Variants in CYTH3 observed in about 807,000 individuals in gnomAD.
The protein encoded by CYTH3 is cytohesin 3.
CYTH3 carries 23 observed loss-of-function variants against 55.1 expected under a neutral mutation model. That is an observed-to-expected ratio of 0.42 (90% confidence interval 0.30 to 0.59). The LOEUF (loss-of-function observed/expected upper bound fraction) is 0.59. Among genes scored for constraint, CYTH3 ranks in the 20% least tolerant of loss-of-function variants. CYTH3 has a pLI of 0.20. For missense variants in CYTH3, 413 were observed against 524.8 expected (o/e 0.79, Z 2.08); for synonymous variants, 249 against 194.9 (o/e 1.28, Z -2.31).
At chr7:6,267,143 A>G (rs1780517891) in intron 1 of CYTH3, among the ~76,000 whole-genome samples, 1 of 152,164 alleles carries the variant, frequency 6.6e-6, no homozygotes, top group Non-Finnish European at 1.5e-5. Flanking sequence ...TTCCATTATG[A>G]GTAAAAAGCT....
At chr7:6,204,695 G>C (rs2128547620) in intron 1 of CYTH3, among the ~76,000 whole-genome samples, 1 of 152,320 alleles carries the variant, frequency 6.6e-6, no homozygotes, top group South Asian at 2.1e-4. Context: ...ATTTTGGAGA[G>C]CCAAGCCAGG....
chr7:6,182,426 G>A (rs1344732390), intron 4 of CYTH3, among the ~76,000 whole-genome samples: 1 of 152,148 alleles, frequency 6.6e-6, no homozygotes, highest in African/African-American at 2.4e-5. Context: ...ACAGCTCACC[G>A]CAGCCTCAAA....
At chr7:6,244,319 T>C (rs891775893) in intron 1 of CYTH3, among the ~76,000 whole-genome samples, 8 of 152,260 alleles carry the variant, frequency 5.3e-5, no homozygotes, top group Admixed American at 2.0e-4. Flanking sequence ...CAATTTTTAA[T>C]GAATTTATTT....
chr7:6,207,090 T>G (rs868003836), intron 1 of CYTH3, among the ~76,000 whole-genome samples: 1 of 133,460 alleles, frequency 7.5e-6, no homozygotes, highest in Non-Finnish European at 1.6e-5. Context: ...GTGCAACTTT[T>G]TTTTTTTTTT....
chr7:6,164,850 G>A lies in CYTH3; in HGVS notation c.*94C>T, dbSNP rs555089546. The A allele has an allele frequency of 3.4e-5, 47 of 1,389,526 alleles. No homozygotes were observed. The highest frequency in any genetic ancestry group is 8.3e-5 in the South Asian group (7 of 84,364). 86.1% of individuals were successfully genotyped at this position (1,389,526 alleles called of 1,614,324 possible). ...GGAGCAGCAGCTTGCACCGCAGGGC[G>A]ACTGCCTCCCTGCCACGCCTTCCGC... On this transcript the variant is annotated 3_prime_UTR_variant, in exon 13 of 13. Coordinates refer to ENST00000350796, the MANE Select transcript of CYTH3 (RefSeq NM_004227.4).
At chr7:6,201,813 T>C (rs1239072353) in intron 1 of CYTH3, among the ~76,000 whole-genome samples, 4 of 152,220 alleles carry the variant, frequency 2.6e-5, no homozygotes, top group East Asian at 1.9e-4. Flanking sequence ...TACTAAAATT[T>C]CTAGGGTAAG....
chr7:6,215,975 G>A (rs1026414707), intron 1 of CYTH3, among the ~76,000 whole-genome samples: 1 of 152,200 alleles, frequency 6.6e-6, no homozygotes. Context: ...AAGGGAAATT[G>A]AGACATTCTT....
rs529317869 is a variant in CYTH3 at position 6,162,164 on chromosome 7, T to C, written c.*2780A>G. On this transcript the variant is annotated 3_prime_UTR_variant, in exon 13 of 13. Transcript: ENST00000350796. ...ATCTATAAATAGCTCCTATTTTCAG[T>C]TTGGTACCACATTAAACTGCCCCAA... 6.5e-6 allele frequency: 1 copy of C among 152,698 alleles called. No individual in the cohort carries two copies. Among genetic ancestry groups the C allele is most frequent in the South Asian group, 2.1e-4 (1 of 4,828 alleles). The allele number at this position is 152,698 out of a possible 1,614,324, so 9.5% of individuals were successfully genotyped here.
At chr7:6,185,339 CT>C (rs368424932) in intron 4 of CYTH3, among the ~76,000 whole-genome samples, 1 of 151,108 alleles carries the variant, frequency 6.6e-6, no homozygotes, top group African/African-American at 2.5e-5. Flanking sequence ...AATCCCAGCA[CT>C]TTTGGGAGGC....
intron 1 of CYTH3, among the ~76,000 whole-genome samples, chr7:6,216,061 A>G (rs955216905): frequency 1.3e-5 from 2 of 152,214 alleles, no homozygotes; most frequent in African/African-American, 4.8e-5. Context: ...TTCTCTAACT[A>G]GAAGGGAAAT....
At chr7:6,258,149 T>C (rs1252643931) in intron 1 of CYTH3, among the ~76,000 whole-genome samples, 1 of 151,986 alleles carries the variant, frequency 6.6e-6, no homozygotes, top group African/African-American at 2.4e-5. Flanking sequence ...CTTTTTCTTT[T>C]TTTTCCAAAA....
rs367857058 is a variant in CYTH3, at chr7:6,170,677, G to T, written c.712-31C>A. 1 of 1,602,610 alleles carries T rather than the reference G, an allele frequency of 6.2e-7. No individual in the cohort carries two copies. Among genetic ancestry groups the T allele is most frequent in the East Asian group, 2.2e-5 (1 of 44,530 alleles). ...AGGAGGGAAAACAGCAGCCAGTTCA[G>T]AGACTCGGAGGAAAATGGCTGGCCG... On this transcript the variant is annotated intron_variant, in intron 8 of 12. Coordinates refer to ENST00000350796, the MANE Select transcript of CYTH3 (RefSeq NM_004227.4). The surrounding 1 kb of genome is among the most constrained non-coding windows in gnomAD (Gnocchi z 7.8).
chr7:6,214,501 C>T (rs1784386092), intron 1 of CYTH3, among the ~76,000 whole-genome samples: 1 of 152,100 alleles, frequency 6.6e-6, no homozygotes, highest in South Asian at 2.1e-4. Context: ...CAGCATCTGG[C>T]TCTTCAAAAC....
chr7:6,187,259 C>T (rs1261158694), intron 3 of CYTH3, 143 bp from the exon 4 acceptor site: 5 of 772,650 alleles, frequency 6.5e-6, no homozygotes, highest in Non-Finnish European at 1.1e-5. Context: ...CCAGTCTCCG[C>T]AGTGGCGGCA....
intron 2 of CYTH3, among the ~76,000 whole-genome samples, chr7:6,188,012 G>A (rs1294729583): frequency 6.6e-6 from 1 of 152,024 alleles, no homozygotes; most frequent in Non-Finnish European, 1.5e-5. Context: ...CACACTGGGG[G>A]GGGAATATCA....
At position 6,171,151 on chromosome 7, in the gene CYTH3, G is replaced by C. The variant is rs1330624903; in HGVS notation, c.562+51C>G. On this transcript the variant is annotated intron_variant, in intron 7 of 12. Transcript: ENST00000350796. This position sits in a 1 kb window ranked among gnomAD's most constrained non-coding sequence, Gnocchi z 6.7. Reference sequence around the variant, plus strand: ...GTGCCCACAGGGGCCGCCCCCTCCAGAGCTGGAGGCTGTGCCTGGCAAGGG... The same window carrying C: ...GTGCCCACAGGGGCCGCCCCCTCCACAGCTGGAGGCTGTGCCTGGCAAGGG... The C allele has an allele frequency of 1.2e-6, 2 of 1,606,476 alleles. No individual in the cohort carries two copies. Among genetic ancestry groups the C allele is most frequent in the Admixed American group, 1.7e-5 (1 of 59,804 alleles).
intron 1 of CYTH3, among the ~76,000 whole-genome samples, chr7:6,221,894 G>T (rs1269450672): frequency 6.6e-6 from 1 of 152,322 alleles, no homozygotes; most frequent in South Asian, 2.1e-4. Flanking sequence ...CGAGGCTGCA[G>T]TGAGCTATGA....
intron 1 of CYTH3, among the ~76,000 whole-genome samples, chr7:6,230,672 T>C (rs1779371650): frequency 6.6e-6 from 1 of 152,160 alleles, no homozygotes; most frequent in Non-Finnish European, 1.5e-5. Context: ...TGTAAACCTT[T>C]ACTACATGAG....
At position 6,194,479 on chromosome 7, in the gene CYTH3, C is replaced by G. The variant is rs946712304; in HGVS notation, c.35-3948G>C. On this transcript the variant is annotated intron_variant, in intron 1 of 12. Coordinates refer to ENST00000350796, the MANE Select transcript of CYTH3 (RefSeq NM_004227.4). ...TAAACAAAAACAAAAAACAAAAAAA[C>G]CTTGAAAACAACACATGCATTTCAA... Among the ~76,000 whole-genome samples, 4 of 152,122 alleles carry G rather than the reference C, an allele frequency of 2.6e-5. No individual in the cohort carries two copies. The South Asian group carries it at 8.3e-4, about 32-fold the overall frequency.
Sources: gnomAD v4.1 joint callset for allele counts (sites outside exome capture counted in the v4.1 genomes callset) on GRCh38, gnomAD v4.1.1 for gene constraint, Gnocchi (gnomAD v3.1) non-coding constraint, MANE v1.5 for transcripts, NCBI Gene and HGNC (gene_info 2026-07-23, HGNC 2026-07-21) for gene names.